NDUFAF7: variants seen among roughly 807,000 people sequenced by gnomAD.
The protein encoded by NDUFAF7 is NADH:ubiquinone oxidoreductase complex assembly factor 7, also known as protein arginine methyltransferase NDUFAF7, mitochondrial.
NDUFAF7 carries 48 observed loss-of-function variants against 47.2 expected under a neutral mutation model. The ratio of observed to expected loss-of-function variants is 1.02; its 90% CI spans 0.81 to 1.29. The LOEUF (loss-of-function observed/expected upper bound fraction) is 1.29. Among genes scored for constraint, NDUFAF7 ranks in the 50% most tolerant of loss-of-function variants. The pLI is 0.00. For synonymous variants in NDUFAF7, 217 were observed against 190.0 expected, an observed-to-expected ratio of 1.14 and a Z score of -1.17; for missense variants, 635 against 537.6, an observed-to-expected ratio of 1.18 and a Z score of -1.79.
intron 4 of NDUFAF7, among the ~76,000 whole-genome samples, chr2:37,241,324 C>G (rs1471844066): frequency 6.6e-6 from 1 of 152,062 alleles, no homozygotes; most frequent in South Asian, 2.1e-4. Context: ...GATGCCAAAT[C>G]TTTTATTTTC....
At chr2:37,270,616 A>T in the NDUFAF7 span, among the ~76,000 whole-genome samples, 1 of 152,334 alleles carries the variant, frequency 6.6e-6, no homozygotes, top group Non-Finnish European at 1.5e-5. Context: ...AACAAAGTGG[A>T]ACTTCACTTA....
At chr2:37,256,543 T>C (rs903179579), downstream of NDUFAF7, 192 of 1,252,092 alleles carry the variant, frequency 1.5e-4, no homozygotes, top group Admixed American at 1.8e-4. Flanking sequence ...GGAAGATGAA[T>C]GGGAGATGTA....
rs1156444201 is a variant in NDUFAF7 at position 37,237,813 on chromosome 2, C to T, written c.354C>T (p.Phe118=). The change falls in exon 4 of 10, where the codon TTC becomes TTT. Residue 118 remains phenylalanine (F), a synonymous_variant. Transcript: ENST00000002125. The stretch of plus-strand genomic sequence containing the variant: ...TGGCCACTGGAAAAAGCACAGCTTT[C>T]CAGCTGGTGGAACTGGGCCCAGGTA... ...EWMATGKSTA[F]QLVELGPGRG... is the part of the protein sequence containing the mutation. 2 of 1,613,736 alleles carry T rather than the reference C, an allele frequency of 1.2e-6. No homozygotes were observed. The highest frequency in any genetic ancestry group is 1.7e-5 in the Admixed American group (1 of 60,010).
the NDUFAF7 span, chr2:37,267,958 C>A: frequency 5.2e-6 from 1 of 190,734 alleles, no homozygotes; most frequent in South Asian, 9.8e-5. Flanking sequence ...TCTCTATATT[C>A]TAGAATCTAG....
At chr2:37,255,401 T>C (rs1667853923), downstream of NDUFAF7, among the ~76,000 whole-genome samples, 1 of 152,190 alleles carries the variant, frequency 6.6e-6, no homozygotes, top group Non-Finnish European at 1.5e-5. Flanking sequence ...TATGGGGCAG[T>C]TAAATAATGT....
At position 37,241,767 on chromosome 2, in the gene NDUFAF7, C is replaced by G. The variant is rs112146323; in HGVS notation, c.598C>G (p.Arg200Gly). 3 of 1,613,594 alleles carry G rather than the reference C, an allele frequency of 1.9e-6. No individual in the cohort carries two copies. Among genetic ancestry groups the G allele is most frequent in the African/African-American group, 2.7e-5 (2 of 74,906 alleles). The change falls in exon 5 of 10, where the codon CGA becomes GGA. Residue 200 changes from arginine to glycine, a missense_variant. Transcript: ENST00000002125. ...TKSGIPISWY[R>G]DLHDVPKGYS... ...GTCTGGGATTCCAATTTCCTGGTAC[C>G]GAGATCTGCACGATGTTCCAAAAGG...
At chr2:37,242,818 A>T in intron 6 of NDUFAF7, 125 bp downstream of exon 6, 1 of 700,392 alleles carries the variant, frequency 1.4e-6, no homozygotes. Context: ...TATTATTTGG[A>T]ATTTTGGTAC....
intron 2 of NDUFAF7, among the ~76,000 whole-genome samples, chr2:37,232,506 C>G (rs1188464622): frequency 6.6e-6 from 1 of 152,180 alleles, no homozygotes; most frequent in African/African-American, 2.4e-5. Context: ...CAGAATGTAG[C>G]TGATTGGATT....
At chr2:37,231,975 G>T in intron 1 of NDUFAF7, 131 bp from the exon 2 acceptor site, 1 of 1,601,284 alleles carries the variant, frequency 6.2e-7, no homozygotes, top group Non-Finnish European at 8.5e-7. Context: ...GGCGTGCTAA[G>T]CACAGTAGCC....
chr2:37,253,765 A>C (rs1482118272), downstream of NDUFAF7, among the ~76,000 whole-genome samples: 1 of 152,030 alleles, frequency 6.6e-6, no homozygotes, highest in African/African-American at 2.4e-5. Flanking sequence ...TCTGCCTCTC[A>C]CTCCCTATAA....
intron 4 of NDUFAF7, 125 bp from the exon 5 acceptor site, chr2:37,241,449 TTGGG>T: frequency 1.3e-6 from 1 of 759,830 alleles, no homozygotes. Flanking sequence ...GGAGAGTGGC[TTGGG>T]TAAGGAACAC....
downstream of NDUFAF7, chr2:37,256,966 G>C (rs780598673): frequency 2.5e-6 from 4 of 1,608,724 alleles, no homozygotes; most frequent in South Asian, 4.4e-5. Flanking sequence ...TTGTATTATA[G>C]TGTTATATAT....
chr2:37,246,173 G>A lies in NDUFAF7; in HGVS notation c.914G>A (p.Gly305Glu), dbSNP rs1558504739. 6.2e-7 allele frequency: 1 copy of A among 1,613,762 alleles called. No individual in the cohort carries two copies. The highest frequency in any genetic ancestry group is 8.5e-7 in the Non-Finnish European group (1 of 1,179,814). ...CTGGTTGCTGATTATGGTCATGATG[G>A]AACAAAGACAGATACCTTCAGAGTA... ...AALVADYGHD[G>E]TKTDTFRGFC... The change falls in exon 8 of 10, where the codon GGA (glycine) becomes GAA (glutamate). Residue 305 changes from glycine to glutamate, a missense_variant. Transcript: ENST00000002125.
chr2:37,258,629 G>A, the NDUFAF7 span, among the ~76,000 whole-genome samples: 1 of 152,180 alleles, frequency 6.6e-6, no homozygotes, highest in Non-Finnish European at 1.5e-5. Flanking sequence ...ATAATATATG[G>A]AAGCAGTTTA....
chr2:37,259,866 T>G, the NDUFAF7 span, among the ~76,000 whole-genome samples: 2 of 152,158 alleles, frequency 1.3e-5, no homozygotes, highest in Admixed American at 1.3e-4. Context: ...TACTGCTATT[T>G]AATTATTTTA....
chr2:37,233,842 G>A (rs2148384691), intron 2 of NDUFAF7, among the ~76,000 whole-genome samples: 2 of 152,268 alleles, frequency 1.3e-5, no homozygotes, highest in South Asian at 4.1e-4. Flanking sequence ...GGGGTTTCAT[G>A]AAGCTGGATG....
intron 3 of NDUFAF7, among the ~76,000 whole-genome samples, chr2:37,236,910 TAAGAG>T (rs1665849950): frequency 6.6e-6 from 1 of 151,972 alleles, no homozygotes; most frequent in African/African-American, 2.4e-5. Flanking sequence ...TTAGTGGAAT[TAAGAG>T]AAGCTCTAAA....
Position 37,241,797 on chromosome 2 carries a change from T to C in NDUFAF7, c.622+6T>C, listed in dbSNP as rs751401528. 1 of 1,610,996 alleles carries C rather than the reference T, an allele frequency of 6.2e-7. No individual in the cohort carries two copies. Among genetic ancestry groups the C allele is most frequent in the Non-Finnish European group, 8.5e-7 (1 of 1,178,750 alleles). ...TCTGCACGATGTTCCAAAAGGTAAT[T>C]ACCTTTATGTGGATTAATGAAAGAA... On this transcript the variant is annotated splice_donor_region_variant and intron_variant, in intron 5 of 9. Transcript: ENST00000002125.
chr2:37,249,356 G>T (rs1293439918), downstream of NDUFAF7, among the ~76,000 whole-genome samples: 1 of 151,980 alleles, frequency 6.6e-6, no homozygotes, highest in Non-Finnish European at 1.5e-5. Context: ...ATCTTGACAT[G>T]TAGTTCAAAT....
Sources: gnomAD v4.1 joint callset for allele counts (sites outside exome capture counted in the v4.1 genomes callset) on GRCh38, gnomAD v4.1.1 for gene constraint, MANE v1.5 for transcripts, NCBI Gene and HGNC (gene_info 2026-07-23, HGNC 2026-07-21) for gene names.